Variants in LOC128462377 observed in about 807,000 individuals in gnomAD.
At chr16:89,328,762 G>A in the LOC128462377 span, among the ~76,000 whole-genome samples, 1 of 148,306 alleles carries the variant, frequency 6.7e-6, no homozygotes, top group Admixed American at 6.7e-5. Context: ...AATCAGCGGA[G>A]GCCCCTGCTG....
chr16:89,402,002 C>A, the LOC128462377 span, among the ~76,000 whole-genome samples: 1 of 151,236 alleles, frequency 6.6e-6, no homozygotes, highest in Non-Finnish European at 1.5e-5. Flanking sequence ...GTCTCAGAGC[C>A]GTGGGAGAAC....
At chr16:89,337,882 T>C in the LOC128462377 span, among the ~76,000 whole-genome samples, 1 of 152,202 alleles carries the variant, frequency 6.6e-6, no homozygotes, top group African/African-American at 2.4e-5. Context: ...GTCTTCAGTC[T>C]ACTGTGTGTG....
chr16:89,391,397 C>T, the LOC128462377 span, among the ~76,000 whole-genome samples: 9 of 152,210 alleles, frequency 5.9e-5, no homozygotes, highest in African/African-American at 1.4e-4. Flanking sequence ...CCCGTGCCGT[C>T]TCCAGGTAGA....
the LOC128462377 span, among the ~76,000 whole-genome samples, chr16:89,382,887 C>T: frequency 6.6e-6 from 1 of 152,186 alleles, no homozygotes; most frequent in African/African-American, 2.4e-5. Context: ...GTTGCCCAGG[C>T]TGGAGTGCAG....
chr16:89,415,390 G>T, the LOC128462377 span, among the ~76,000 whole-genome samples: 1 of 147,150 alleles, frequency 6.8e-6, no homozygotes, highest in Non-Finnish European at 1.5e-5. Context: ...TCAGCCTCCC[G>T]AGTAGCTGGG....
chr16:89,407,503 G>A, the LOC128462377 span, among the ~76,000 whole-genome samples: 7 of 152,092 alleles, frequency 4.6e-5, no homozygotes, highest in Non-Finnish European at 7.3e-5. Flanking sequence ...GCTGTTGCAC[G>A]ACAGCCGCAC....
chr16:89,386,269 C>A, the LOC128462377 span, among the ~76,000 whole-genome samples: 1 of 152,014 alleles, frequency 6.6e-6, no homozygotes, highest in South Asian at 2.1e-4. Flanking sequence ...TGTTAAAAAT[C>A]AGTCACTTTT....
chr16:89,344,066 C>G, the LOC128462377 span, among the ~76,000 whole-genome samples: 2 of 152,160 alleles, frequency 1.3e-5, no homozygotes, highest in Non-Finnish European at 2.9e-5. Flanking sequence ...CTGCTCCCAG[C>G]GGAAGCTTTT....
chr16:89,386,040 C>G, the LOC128462377 span, among the ~76,000 whole-genome samples: 2 of 152,222 alleles, frequency 1.3e-5, no homozygotes, highest in South Asian at 2.1e-4. Context: ...CCGCCATGCC[C>G]GCAAACTGGG....
the LOC128462377 span, among the ~76,000 whole-genome samples, chr16:89,340,679 TATA>T: frequency 8.5e-5 from 13 of 152,182 alleles, no homozygotes; most frequent in Admixed American, 7.9e-4. Context: ...AAAGAGACAA[TATA>T]ATTAACAAAT....
chr16:89,363,459 A>G, the LOC128462377 span, among the ~76,000 whole-genome samples: 2 of 144,704 alleles, frequency 1.4e-5, no homozygotes, highest in African/African-American at 5.2e-5. Flanking sequence ...CATGTACCCT[A>G]AAAGTATAAT....
the LOC128462377 span, among the ~76,000 whole-genome samples, chr16:89,415,427 G>C: frequency 1.6e-4 from 24 of 150,726 alleles, 1 homozygote; most frequent in African/African-American, 5.9e-4. Flanking sequence ...ACCATGCCCG[G>C]CTAATTTTTT....
chr16:89,418,193 C>A, the LOC128462377 span: 9 of 432,110 alleles, frequency 2.1e-5, no homozygotes, highest in African/African-American at 1.8e-4. Context: ...TCCAAGAAAA[C>A]CAACCTGGAC....
chr16:89,406,101 T>G, the LOC128462377 span, among the ~76,000 whole-genome samples: 1,074 of 141,020 alleles, frequency 7.6e-3, 12 homozygotes, highest in African/African-American at 0.028. Flanking sequence ...CAAAGGGAGA[T>G]TCCATCTCAA....
chr16:89,365,917 G>C, the LOC128462377 span, among the ~76,000 whole-genome samples: 1 of 152,052 alleles, frequency 6.6e-6, no homozygotes, highest in South Asian at 2.1e-4. Context: ...GTGTCCACGT[G>C]TTCTCATCAT....
chr16:89,395,468 C>A, the LOC128462377 span, among the ~76,000 whole-genome samples: 1 of 152,248 alleles, frequency 6.6e-6, no homozygotes, highest in South Asian at 2.1e-4. Flanking sequence ...GGGACACGTG[C>A]TGCTTCTGTG....
At chr16:89,328,007 G>A in the LOC128462377 span, among the ~76,000 whole-genome samples, 12 of 152,218 alleles carry the variant, frequency 7.9e-5, no homozygotes, top group Non-Finnish European at 5.9e-5. Flanking sequence ...CTTGTATGTA[G>A]AAGAAAGAAG....
the LOC128462377 span, chr16:89,324,245 T>G: frequency 1.4e-4 from 166 of 1,209,024 alleles, 4 homozygotes; most frequent in South Asian, 2.4e-3. Context: ...GACACATGCT[T>G]GGTCACTGGG....
the LOC128462377 span, among the ~76,000 whole-genome samples, chr16:89,335,954 G>A: frequency 1.3e-5 from 2 of 152,230 alleles, no homozygotes; most frequent in Non-Finnish European, 1.5e-5. Flanking sequence ...ACATGACCGT[G>A]CAACATGCTT....
Sources: allele counts gnomAD v4.1 joint callset (sites outside exome capture counted in the v4.1 genomes callset), GRCh38; gene constraint gnomAD v4.1.1; transcripts MANE v1.5.